Variants in TAF4B observed in about 807,000 individuals in gnomAD.
The protein encoded by TAF4B is TATA-box binding protein associated factor 4b.
A neutral mutation model predicts 86.4 loss-of-function variants in TAF4B; 38 were observed. That is an observed-to-expected ratio of 0.44 (90% CI 0.34 to 0.58). The LOEUF is 0.58. Among genes scored for constraint, TAF4B ranks in the 20% least tolerant of loss-of-function variants. The pLI, the probability that TAF4B is intolerant of heterozygous loss-of-function variation, is 0.02. For missense variants in TAF4B, 988 were observed against 1,027.6 expected, an observed-to-expected ratio of 0.96 and a Z score of 0.53; for synonymous variants, 388 against 391.2, an observed-to-expected ratio of 0.99 and a Z score of 0.10.
intron 13 of TAF4B, among the ~76,000 whole-genome samples, chr18:26,349,764 A>T (rs1397132060): frequency 6.6e-6 from 1 of 152,242 alleles, no homozygotes; most frequent in Non-Finnish European, 1.5e-5. Context: ...CTGAGCAAAA[A>T]GAACAAAGCT....
At chr18:26,270,334 C>G (rs1358794693) in intron 3 of TAF4B, among the ~76,000 whole-genome samples, 1 of 152,230 alleles carries the variant, frequency 6.6e-6, no homozygotes, top group East Asian at 1.9e-4. Context: ...TTAATTTGTC[C>G]CCTGCCAGCT....
chr18:26,372,891 C>G (rs1220788912), intron 14 of TAF4B, among the ~76,000 whole-genome samples: 1 of 149,160 alleles, frequency 6.7e-6, no homozygotes, highest in Non-Finnish European at 1.5e-5. Flanking sequence ...ATGGCGTGAA[C>G]TTGGGAGGCG....
chr18:26,348,292 G>T (rs745377002), intron 13 of TAF4B: 1 of 152,248 alleles, frequency 6.6e-6, no homozygotes, highest in Non-Finnish European at 1.5e-5. Flanking sequence ...CAATTAAACA[G>T]CAGTCTCCTG....
intron 6 of TAF4B, among the ~76,000 whole-genome samples, chr18:26,282,883 T>C (rs1224994090): frequency 6.6e-6 from 1 of 152,230 alleles, no homozygotes; most frequent in Non-Finnish European, 1.5e-5. Context: ...AGGGGTAGAC[T>C]CCATCTCAAG....
chr18:26,346,881 ATATATATATATATATATATGTGTGTG>A (rs1567914211), intron 13 of TAF4B, among the ~76,000 whole-genome samples: 290 of 7,992 alleles, frequency 0.036, 1 homozygote, highest in African/African-American at 0.056. Flanking sequence ...ATATGTGTAT[ATATATATATATATATATATGTGTGTG>A]TATATATATA....
intron 9 of TAF4B, among the ~76,000 whole-genome samples, chr18:26,308,661 T>C (rs2056821824): frequency 1.3e-5 from 2 of 151,714 alleles, no homozygotes; most frequent in African/African-American, 4.8e-5. Flanking sequence ...TCATCTGAGG[T>C]CTGGAGTTCG....
rs890666935 is a variant in TAF4B at position 26,390,190 on chromosome 18, C to T, written c.*178C>T. ...CCATCTCATGGGACTCTTACAGACTCAGATTCATCTTTGTCTTCTGAAAAT... is the reference window on the plus strand; with the variant it reads ...CCATCTCATGGGACTCTTACAGACTTAGATTCATCTTTGTCTTCTGAAAAT... On this transcript the variant is annotated 3_prime_UTR_variant, in exon 15 of 15. Transcript: ENST00000269142. 1 of 531,218 alleles carries T rather than the reference C, an allele frequency of 1.9e-6. No individual in the cohort carries two copies. Among genetic ancestry groups the T allele is most frequent in the Non-Finnish European group, 3.2e-6 (1 of 315,344 alleles). 32.9% of individuals were successfully genotyped at this position (531,218 alleles called of 1,614,324 possible).
At position 26,274,988 on chromosome 18, in the gene TAF4B, G is replaced by A. The variant is rs751950859; in HGVS notation, c.817G>A (p.Ala273Thr). The change falls in exon 5 of 15, where the codon GCA (alanine) becomes ACA (threonine). Residue 273 changes from alanine to threonine, a missense_variant. Physicochemically the swap from Ala to Thr is moderately conservative, Grantham distance 58 (BLOSUM62 0). This residue lies in a region of TAF4B where 747 missense variants were observed against 737.9 expected (regional missense o/e 1.01). Coordinates refer to ENST00000269142, the MANE Select transcript of TAF4B (RefSeq NM_005640.3). The part of the protein sequence containing the change: ...KNFLAMLIKL[A>T]CSGSQSPEMG... ...CTTCCTTGCAATGTTAATAAAACTA[G>A]CATGTAGTGGATCACAGTCCCCAGA... is the stretch of plus-strand genomic sequence containing the variant. The A allele has an allele frequency of 9.9e-6, 16 of 1,612,696 alleles. 1 individual carries two copies. In the South Asian group the frequency reaches 1.3e-4, roughly 13 times the overall value.
intron 9 of TAF4B, among the ~76,000 whole-genome samples, chr18:26,298,655 C>G (rs55924105): frequency 6.6e-6 from 1 of 152,026 alleles, no homozygotes; most frequent in Non-Finnish European, 1.5e-5. Flanking sequence ...GCCTCAGGCT[C>G]TCAAGTAGCT....
intron 6 of TAF4B, 143 bp downstream of exon 6, chr18:26,282,203 A>G (rs2056458951): frequency 3.0e-6 from 2 of 664,498 alleles, no homozygotes; most frequent in Non-Finnish European, 5.2e-6. Flanking sequence ...TTTGTAAGCT[A>G]TAAAGCGTGT....
chr18:26,240,213 T>C (rs1022252608), intron 1 of TAF4B, among the ~76,000 whole-genome samples: 3 of 152,250 alleles, frequency 2.0e-5, no homozygotes, highest in African/African-American at 4.8e-5. Context: ...ATTCTTCCTA[T>C]CCATGAGCAT....
chr18:26,291,706 C>CAA (rs551155639), intron 7 of TAF4B, among the ~76,000 whole-genome samples: 1,269 of 111,620 alleles, frequency 0.011, 11 homozygotes, highest in Middle Eastern at 0.028. Context: ...GACTCTGTCT[C>CAA]AAAAAAAAAA....
At chr18:26,331,494 T>C (rs919644189) in intron 12 of TAF4B, among the ~76,000 whole-genome samples, 4 of 152,188 alleles carry the variant, frequency 2.6e-5, no homozygotes, top group Non-Finnish European at 5.9e-5. Context: ...ATGACTTCAC[T>C]GGCTAATAGT....
intron 14 of TAF4B, among the ~76,000 whole-genome samples, chr18:26,389,009 A>G (rs1185820530): frequency 6.6e-6 from 1 of 151,966 alleles, no homozygotes; most frequent in Non-Finnish European, 1.5e-5. Context: ...ACGGGGTTTC[A>G]CCATGTTGGC....
chr18:26,373,944 G>T (rs983634464), intron 14 of TAF4B, among the ~76,000 whole-genome samples: 3 of 152,152 alleles, frequency 2.0e-5, no homozygotes, highest in Admixed American at 6.5e-5. Context: ...CATGATTAGG[G>T]ATGTACGAGG....
chr18:26,279,718 A>G (rs890302061), intron 5 of TAF4B, among the ~76,000 whole-genome samples: 1 of 152,164 alleles, frequency 6.6e-6, no homozygotes, highest in Non-Finnish European at 1.5e-5. Context: ...ACCTACAACT[A>G]TCTGATCTTT....
intron 6 of TAF4B, 85 bp from the exon 7 acceptor site, chr18:26,285,797 G>A: frequency 6.7e-7 from 1 of 1,487,466 alleles, no homozygotes; most frequent in Non-Finnish European, 9.1e-7. Flanking sequence ...TTGGTTTTAA[G>A]TTGTAAAGGT....
At chr18:26,326,323 A>G (rs1360226859) in intron 11 of TAF4B, among the ~76,000 whole-genome samples, 1 of 152,342 alleles carries the variant, frequency 6.6e-6, no homozygotes, top group East Asian at 1.9e-4. Context: ...TTATCATTTT[A>G]TGGAACAATT....
At chr18:26,320,575 C>G (rs116890392) in intron 10 of TAF4B, among the ~76,000 whole-genome samples, 213 of 152,212 alleles carry the variant, frequency 1.4e-3, no homozygotes, top group South Asian at 3.9e-3. Flanking sequence ...GCAAAGTAAA[C>G]ATGATTGGTA....
Sources: allele counts gnomAD v4.1 joint callset (sites outside exome capture counted in the v4.1 genomes callset), GRCh38; gene constraint gnomAD v4.1.1; regional missense constraint gnomAD v4.1.1; transcripts MANE v1.5; gene names NCBI Gene and HGNC (gene_info 2026-07-23, HGNC 2026-07-21).